WWOX: variants seen among roughly 807,000 people sequenced by gnomAD.
WWOX encodes the protein WW domain containing oxidoreductase.
In WWOX, 69 loss-of-function variants were observed where a neutral mutation model predicts 46.2. That is an observed-to-expected ratio of 1.49 (90% CI 1.23 to 1.82). WWOX has a LOEUF of 1.82. Among genes scored for constraint, WWOX ranks in the 40% most tolerant of loss-of-function variants. The probability of loss-of-function intolerance (pLI) is 0.00; values close to 1 mark genes in which losing one functional copy is unlikely to be tolerated. For synonymous variants in WWOX, 359 were observed against 202.6 expected (o/e 1.77, Z -6.56); for missense variants, 919 against 542.6 (o/e 1.69, Z -6.89).
rs577530862 is a variant in WWOX at position 78,405,112 on chromosome 16, G to A, written c.605+18164G>A. 2.6e-5 allele frequency among the ~76,000 whole-genome samples: 4 copies of A among 152,262 alleles called. No individual in the cohort carries two copies. The East Asian group carries it at 7.7e-4, about 29-fold the overall frequency. ...ATGGGAAAATATAATCAAGGTAATGGACATGAGGCAAAAATTTAAGGAAAT... is the reference window on the plus strand; with the variant it reads ...ATGGGAAAATATAATCAAGGTAATGAACATGAGGCAAAAATTTAAGGAAAT... On this transcript the variant is annotated intron_variant, in intron 6 of 8. Transcript: ENST00000566780.
intron 8 of WWOX, among the ~76,000 whole-genome samples, chr16:79,155,725 C>G (rs1567586933): frequency 6.6e-6 from 1 of 152,132 alleles, no homozygotes; most frequent in African/African-American, 2.4e-5. Context: ...TCCTAAGAAG[C>G]TCCTAACAGG....
At chr16:78,596,335 C>T (rs1374591233) in intron 8 of WWOX, among the ~76,000 whole-genome samples, 1 of 152,160 alleles carries the variant, frequency 6.6e-6, no homozygotes, top group East Asian at 1.9e-4. Flanking sequence ...CAGCAGTTTG[C>T]TGTCAAGGTC....
chr16:78,922,151 C>T (rs749668354), intron 8 of WWOX, among the ~76,000 whole-genome samples: 8 of 152,038 alleles, frequency 5.3e-5, no homozygotes, highest in Non-Finnish European at 8.8e-5. Context: ...TGGGTGATTG[C>T]CCACATATTT....
chr16:78,132,677 A>G (rs893342969), intron 4 of WWOX, among the ~76,000 whole-genome samples: 14 of 152,164 alleles, frequency 9.2e-5, no homozygotes, highest in Non-Finnish European at 1.9e-4. Context: ...TTTTGTGGGC[A>G]GATTTCTTTT....
chr16:78,345,049 T>A lies in WWOX; in HGVS notation c.517-41811T>A, dbSNP rs1193140878. ...AGATGGTTGTGGAAAGTATTGTGCG[T>A]CATGGACCTAAAGTACCTAGGAGAT... On this transcript the variant is annotated intron_variant, in intron 5 of 8. Transcript: ENST00000566780. Among the ~76,000 whole-genome samples the A allele has an allele frequency of 3.3e-5, 4 of 119,540 alleles. 2 individuals are homozygous for A. The highest frequency in any genetic ancestry group is 7.9e-5 in the Non-Finnish European group (4 of 50,370). 78.4% of individuals were successfully genotyped at this position (119,540 alleles called of 152,430 possible). A position where few individuals can be genotyped will look rare whatever the true frequency, so the allele number is the denominator to read the frequency against.
At chr16:78,617,708 TC>T (rs2046062307) in intron 8 of WWOX, among the ~76,000 whole-genome samples, 1 of 152,112 alleles carries the variant, frequency 6.6e-6, no homozygotes, top group Non-Finnish European at 1.5e-5. Context: ...TTCTTCCCAG[TC>T]CCAGGAAATC....
At chr16:78,150,853 C>A (rs2034380852) in intron 4 of WWOX, among the ~76,000 whole-genome samples, 2 of 152,036 alleles carry the variant, frequency 1.3e-5, no homozygotes. Flanking sequence ...TCTCCCCTCA[C>A]CCACATTGCT....
chr16:78,147,754 A>G (rs1035838323), intron 4 of WWOX, among the ~76,000 whole-genome samples: 3 of 142,272 alleles, frequency 2.1e-5, no homozygotes, highest in African/African-American at 5.2e-5. Flanking sequence ...TGGACAGTGC[A>G]GGATGGGGCT....
chr16:78,424,901 A>G lies in WWOX; in HGVS notation c.637A>G (p.Thr213Ala), dbSNP rs2151959910. The change falls in exon 7 of 9, where the codon ACT becomes GCT. Residue 213 changes from threonine (T) to alanine (A), a missense_variant. Coordinates refer to ENST00000566780, the MANE Select transcript of WWOX (RefSeq NM_016373.4). ...PLHVLVCNAA[T>A]FALPWSLTKD... ...TCATGTGCTTGTGTGCAACGCAGCA[A>G]CTTTTGCTCTACCCTGGAGTCTCAC... is the stretch of plus-strand genomic sequence containing the variant. 6.2e-7 allele frequency: 1 copy of G among 1,614,118 alleles called. No individual in the cohort carries two copies. Among genetic ancestry groups the G allele is most frequent in the East Asian group, 2.2e-5 (1 of 44,858 alleles).
At chr16:78,477,571 A>G (rs2084381304) in intron 8 of WWOX, among the ~76,000 whole-genome samples, 1 of 152,260 alleles carries the variant, frequency 6.6e-6, no homozygotes, top group African/African-American at 2.4e-5. Context: ...TGGAAAAAAT[A>G]ATAAAACTAA....
At chr16:78,524,741 A>T (rs969898301) in intron 8 of WWOX, among the ~76,000 whole-genome samples, 12 of 151,686 alleles carry the variant, frequency 7.9e-5, no homozygotes, top group African/African-American at 2.9e-4. Context: ...TTTAAGTAAC[A>T]AAGTATTAGC....
rs184076803 is a variant in WWOX at position 78,815,379 on chromosome 16, C to G, written c.1056+382627C>G. On this transcript the variant is annotated intron_variant, in intron 8 of 8. Coordinates refer to ENST00000566780, the MANE Select transcript of WWOX (RefSeq NM_016373.4). ...ACATTTTAGCTGACAAGGGCAGGAG[C>G]TGTTCCTGCTGTTACTAACTGGAGT... 2.4e-3 allele frequency among the ~76,000 whole-genome samples: 358 copies of G among 152,120 alleles called. 1 individual carries two copies. The highest frequency in any genetic ancestry group is 3.7e-3 in the Non-Finnish European group (251 of 67,998).
At chr16:78,609,116 A>C (rs372733242) in intron 8 of WWOX, among the ~76,000 whole-genome samples, 1 of 152,180 alleles carries the variant, frequency 6.6e-6, no homozygotes, top group Admixed American at 6.5e-5. Context: ...TTTAAAGACA[A>C]ACATTACAGA....
chr16:78,613,782 C>A (rs549255050), intron 8 of WWOX, among the ~76,000 whole-genome samples: 1 of 152,150 alleles, frequency 6.6e-6, no homozygotes, highest in East Asian at 1.9e-4. Context: ...TTATCAGAAA[C>A]TTTGGGGGCC....
chr16:79,170,309 A>G (rs2050675545), intron 8 of WWOX, among the ~76,000 whole-genome samples: 1 of 152,198 alleles, frequency 6.6e-6, no homozygotes, highest in South Asian at 2.1e-4. Context: ...AGGATCAGAG[A>G]AGCTACGTGA....
intron 5 of WWOX, among the ~76,000 whole-genome samples, chr16:78,324,732 CA>C (rs2080571666): frequency 8.5e-6 from 1 of 117,886 alleles, no homozygotes; most frequent in Non-Finnish European, 1.6e-5. Flanking sequence ...ATGTCCAGAA[CA>C]GAGAAATTTA....
intron 8 of WWOX, chr16:79,196,254 A>G (rs1317748611): frequency 6.6e-6 from 1 of 152,252 alleles, no homozygotes; most frequent in Non-Finnish European, 1.5e-5. Flanking sequence ...TACAACATAC[A>G]TTGTGTATTA....
intron 8 of WWOX, among the ~76,000 whole-genome samples, chr16:78,877,932 G>C (rs573913633): frequency 6.6e-6 from 1 of 152,284 alleles, no homozygotes; most frequent in Admixed American, 6.5e-5. Context: ...AGAGGGGATT[G>C]GAAACCAGGT....
chr16:78,805,487 G>A (rs2051008991), intron 8 of WWOX, among the ~76,000 whole-genome samples: 1 of 151,736 alleles, frequency 6.6e-6, no homozygotes, highest in Admixed American at 6.6e-5. Flanking sequence ...GTTTCACAGT[G>A]TTATGCAGGA....
Sources: allele counts gnomAD v4.1 joint callset (sites outside exome capture counted in the v4.1 genomes callset), GRCh38; gene constraint gnomAD v4.1.1; transcripts MANE v1.5; gene names NCBI Gene and HGNC (gene_info 2026-07-23, HGNC 2026-07-21).